CNOT1: variants seen among roughly 807,000 people sequenced by gnomAD.
The protein encoded by CNOT1 is CCR4-NOT transcription complex subunit 1.
In CNOT1, 15 loss-of-function variants were observed where a neutral mutation model predicts 273.8. That is an observed-to-expected ratio of 0.05 (90% CI 0.04 to 0.08). The LOEUF (loss-of-function observed/expected upper bound fraction) is 0.08. Ranked by LOEUF, CNOT1 falls within the 10% of genes least tolerant of loss-of-function variation. The pLI, the probability that CNOT1 is intolerant of heterozygous loss-of-function variation, is 1.00. For synonymous variants in CNOT1, 1,022 were observed against 1,005.5 expected, an observed-to-expected ratio of 1.02 and a Z score of -0.31; for missense variants, 1,644 against 2,912.2, an observed-to-expected ratio of 0.56 and a Z score of 10.02.
chr16:58,604,664 G>A (rs1184345155), intron 1 of CNOT1, among the ~76,000 whole-genome samples: 7 of 150,948 alleles, frequency 4.6e-5, no homozygotes, highest in African/African-American at 1.5e-4. Flanking sequence ...GGGCGTGGTG[G>A]TGCCTGCCTG....
intron 45 of CNOT1, 84 bp from the exon 46 acceptor site, chr16:58,525,443 A>T (rs1164171598): frequency 1.7e-6 from 2 of 1,183,690 alleles, no homozygotes; most frequent in Non-Finnish European, 2.4e-6. Flanking sequence ...CCCTTCTTAC[A>T]CCTTCATGGA....
intron 1 of CNOT1, among the ~76,000 whole-genome samples, chr16:58,602,568 A>C (rs2042510464): frequency 1.4e-5 from 2 of 147,170 alleles, no homozygotes; most frequent in Non-Finnish European, 3.0e-5. Context: ...AAAAAAAAAA[A>C]AAAAAAAAAC....
intron 1 of CNOT1, among the ~76,000 whole-genome samples, chr16:58,617,577 A>G (rs977315161): frequency 6.6e-6 from 1 of 152,228 alleles, no homozygotes; most frequent in African/African-American, 2.4e-5. Flanking sequence ...TCTAGTCTCA[A>G]GCATTTAAGA....
chr16:58,534,520 C>T, intron 39 of CNOT1, 125 bp from the exon 40 acceptor site: 1 of 1,094,322 alleles, frequency 9.1e-7, no homozygotes, highest in South Asian at 1.7e-5. Context: ...CTAATTCTTA[C>T]ATTGTAATAA....
rs759248527 is a variant in CNOT1, at chr16:58,556,872, T to C, written c.2454A>G (p.Thr818=). The change falls in exon 19 of 49, where the codon ACA becomes ACG. Residue 818 remains threonine, a synonymous_variant. Coordinates refer to ENST00000317147, the MANE Select transcript of CNOT1 (RefSeq NM_016284.5). ...KLGTSGLNQP[T]FQQSKMKPSD... is the part of the protein sequence containing the mutation. ...AAGGTTTCATCTTACTCTGCTGGAA[T>C]GTAGGCTGATTCAGTCCAGAGGTGC... 2 of 1,614,024 alleles carry C rather than the reference T, an allele frequency of 1.2e-6. No individual in the cohort carries two copies. The highest frequency in any genetic ancestry group is 2.2e-5 in the South Asian group (2 of 91,060).
intron 16 of CNOT1, among the ~76,000 whole-genome samples, chr16:58,569,899 C>T (rs749327941): frequency 3.3e-5 from 5 of 152,020 alleles, no homozygotes; most frequent in Admixed American, 6.6e-5. Flanking sequence ...TCAATAAATT[C>T]TAAGTAGAAT....
At chr16:58,601,667 T>C (rs1014528593) in intron 1 of CNOT1, among the ~76,000 whole-genome samples, 1 of 146,292 alleles carries the variant, frequency 6.8e-6, no homozygotes, top group Non-Finnish European at 1.5e-5. Context: ...TCTTAATGTA[T>C]AAAGGATACA....
At chr16:58,545,960 G>A (rs1034744132) in intron 29 of CNOT1, among the ~76,000 whole-genome samples, 1 of 152,072 alleles carries the variant, frequency 6.6e-6, no homozygotes, top group Admixed American at 6.6e-5. Context: ...CATTCCCTTG[G>A]CAGATCTAGC....
rs189008016 is a variant in CNOT1 at position 58,567,035 on chromosome 16, G to C, written c.1980-6673C>G. On this transcript the variant is annotated intron_variant, in intron 16 of 48. Transcript: ENST00000317147. ...CAAGCATGGTGGCATGCGTCTATAG[G>C]ACCACCTACTCACAAGGCTCAGGCA... Among the ~76,000 whole-genome samples the C allele has an allele frequency of 1.9e-3, 283 of 152,028 alleles. 4 individuals carry two copies. Among genetic ancestry groups the C allele is most frequent in the African/African-American group, 6.6e-3 (275 of 41,486 alleles).
chr16:58,612,609 T>G (rs1003076577), intron 1 of CNOT1, among the ~76,000 whole-genome samples: 1 of 152,040 alleles, frequency 6.6e-6, no homozygotes, highest in African/African-American at 2.4e-5. Flanking sequence ...CATGGTGGCA[T>G]GCACCTGTAA....
intron 1 of CNOT1, among the ~76,000 whole-genome samples, chr16:58,603,407 A>ATGTGTGTGTG (rs2042543737): frequency 1.7e-4 from 22 of 126,374 alleles, no homozygotes; most frequent in Admixed American, 4.9e-4. Flanking sequence ...TACAATTTAA[A>ATGTGTGTGTG]AGTGTGTGTG....
At chr16:58,592,385 G>A (rs971212975) in intron 2 of CNOT1, among the ~76,000 whole-genome samples, 2 of 152,046 alleles carry the variant, frequency 1.3e-5, no homozygotes, top group Non-Finnish European at 2.9e-5. Flanking sequence ...AAAATACTGA[G>A]TGGCTGTAAA....
intron 1 of CNOT1, among the ~76,000 whole-genome samples, chr16:58,607,332 T>C (rs2042715183): frequency 6.6e-6 from 1 of 152,208 alleles, no homozygotes; most frequent in Non-Finnish European, 1.5e-5. Flanking sequence ...TCATCTGTCT[T>C]TTGTTTAAGC....
intron 46 of CNOT1, 26 bp downstream of exon 46, chr16:58,525,153 T>C (rs2039545792): frequency 1.2e-6 from 2 of 1,609,224 alleles, no homozygotes; most frequent in African/African-American, 1.3e-5. Context: ...AGAACTCTAC[T>C]CTGAAAACTG....
chr16:58,568,997 G>A (rs1351943359), intron 16 of CNOT1, among the ~76,000 whole-genome samples: 1 of 152,198 alleles, frequency 6.6e-6, no homozygotes, highest in African/African-American at 2.4e-5. Context: ...TACAAGACTT[G>A]TAAAGAAACA....
chr16:58,587,664 C>A (rs952690074), intron 4 of CNOT1, 116 bp downstream of exon 4: 2 of 1,265,258 alleles, frequency 1.6e-6, no homozygotes, highest in African/African-American at 1.5e-5. Flanking sequence ...AAAGACACCC[C>A]AAAATAACAA....
intron 2 of CNOT1, 44 bp from the exon 3 acceptor site, chr16:58,588,950 CA>C (rs74264112): frequency 0.045 from 41,828 of 936,142 alleles, 170 homozygotes; most frequent in Middle Eastern, 0.13. Flanking sequence ...GAAGATAAAA[CA>C]AAAAAAAAAA....
intron 40 of CNOT1, among the ~76,000 whole-genome samples, chr16:58,533,644 G>GA (rs1170976404): frequency 6.7e-6 from 1 of 148,452 alleles, no homozygotes; most frequent in Non-Finnish European, 1.5e-5. Context: ...CAAAACAACA[G>GA]AAAACAAACA....
chr16:58,599,050 C>CAAAA (rs55921701), intron 2 of CNOT1, 186 bp downstream of exon 2: 6,948 of 308,986 alleles, frequency 0.022, 26 homozygotes, highest in Non-Finnish European at 0.027. Flanking sequence ...GACTCTGTCT[C>CAAAA]AAAAAAAAAA....
Sources: gnomAD v4.1 joint callset for allele counts (sites outside exome capture counted in the v4.1 genomes callset) on GRCh38, gnomAD v4.1.1 for gene constraint, MANE v1.5 for transcripts, NCBI Gene and HGNC (gene_info 2026-07-23, HGNC 2026-07-21) for gene names.